CRYBG3: variants seen among roughly 807,000 people sequenced by gnomAD.
The protein encoded by CRYBG3 is very large A-kinase anchor protein.
Under a neutral mutation model 244.2 loss-of-function variants are expected in CRYBG3, and 127 were observed. The observed-to-expected ratio is 0.52, with a 90% CI of 0.45 to 0.60. The LOEUF (loss-of-function observed/expected upper bound fraction) is 0.60, where lower values mean the gene tolerates loss of function less well. CRYBG3 is among the 20% of genes least tolerant of loss of function. The pLI, the probability that CRYBG3 is intolerant of heterozygous loss-of-function variation, is 0.00. For synonymous variants in CRYBG3, 1,132 were observed against 1,195.8 expected, an observed-to-expected ratio of 0.95 and a Z score of 1.10; for missense variants, 3,325 against 3,442.5, an observed-to-expected ratio of 0.97 and a Z score of 0.85.
chr3:97,911,771 G>C (rs2039875483), intron 15 of CRYBG3, among the ~76,000 whole-genome samples: 1 of 152,168 alleles, frequency 6.6e-6, no homozygotes, highest in Non-Finnish European at 1.5e-5. Context: ...GCCTCTTTCA[G>C]GTTTAGCACT....
chr3:97,877,325 G>C lies in CRYBG3; in HGVS notation c.6131G>C (p.Ser2044Thr), dbSNP rs975658287. ...GTTCTGGCATGTGAAAGGTCTGAGAGTAGAACTGACCTTGTCCATCACTTT... is the reference window on the plus strand; with the variant it reads ...GTTCTGGCATGTGAAAGGTCTGAGACTAGAACTGACCTTGTCCATCACTTT... ...MPVLACERSE[S>T]RTDLVHHFEK... is the part of the protein sequence containing the mutation. Residue 2044 changes from serine (S) to threonine (T), a missense_variant, in exon 4 of 22, where the codon AGT becomes ACT. By Grantham distance (58) the Ser-to-Thr change is moderately conservative. Coordinates refer to ENST00000389622, the MANE Select transcript of CRYBG3 (RefSeq NM_153605.4). 6.8e-6 allele frequency: 11 copies of C among 1,613,790 alleles called. No individual in the cohort carries two copies. In the African/African-American group the frequency reaches 1.3e-4, roughly 20 times the overall value.
At chr3:97,931,292 T>A (rs2107095850) in intron 17 of CRYBG3, among the ~76,000 whole-genome samples, 1 of 152,230 alleles carries the variant, frequency 6.6e-6, no homozygotes, top group East Asian at 1.9e-4. Flanking sequence ...ACCCTCTCCC[T>A]CGACATGGAA....
chr3:97,846,404 C>A (rs1242514256), intron 2 of CRYBG3, among the ~76,000 whole-genome samples: 1 of 152,164 alleles, frequency 6.6e-6, no homozygotes, highest in Non-Finnish European at 1.5e-5. Flanking sequence ...CATCTTTTGG[C>A]TCCTGTGTCT....
At chr3:97,879,890 G>T (rs2039424679) in intron 5 of CRYBG3, 95 bp from the exon 6 acceptor site, 1 of 915,418 alleles carries the variant, frequency 1.1e-6, no homozygotes, top group Non-Finnish European at 1.7e-6. Context: ...GTATATTTAG[G>T]ATATTTATTT....
At chr3:97,917,948 C>G (rs147680460) in intron 17 of CRYBG3, among the ~76,000 whole-genome samples, 7 of 152,228 alleles carry the variant, frequency 4.6e-5, no homozygotes, top group Non-Finnish European at 7.4e-5. Context: ...CATTCTGATT[C>G]TTTCTGTGAT....
chr3:97,921,586 A>G (rs1314171862), intron 17 of CRYBG3, among the ~76,000 whole-genome samples: 2 of 152,198 alleles, frequency 1.3e-5, no homozygotes, highest in African/African-American at 4.8e-5. Context: ...TTACAATATT[A>G]TAATAATAGC....
At chr3:97,904,885 A>AC (rs2039750405) in intron 15 of CRYBG3, among the ~76,000 whole-genome samples, 1 of 43,894 alleles carries the variant, frequency 2.3e-5, no homozygotes, top group African/African-American at 8.5e-5. Context: ...CTATCCCTCC[A>AC]CCCTCCCCCC....
At position 97,871,940 on chromosome 3, in the gene CRYBG3, C is replaced by G; in HGVS notation, c.746C>G (p.Ala249Gly). The G allele has an allele frequency of 6.5e-7, 1 of 1,535,666 alleles. No individual in the cohort carries two copies. The highest frequency in any genetic ancestry group is 8.7e-7 in the Non-Finnish European group (1 of 1,146,566). ...GKYLKQQTGL[A>G]TVNTLDRENE... ...TATTTAAAGCAACAGACAGGCTTGG[C>G]AACTGTGAATACCTTGGACAGAGAA... The change falls in exon 4 of 22, where the codon GCA (alanine) becomes GGA (glycine). Residue 249 changes from alanine (A) to glycine (G), a missense_variant. Ala to Gly is a moderately conservative substitution (Grantham distance 60). This residue lies in a region of CRYBG3 where 1,526 missense variants were observed against 1,443.2 expected (regional missense o/e 1.06). Coordinates refer to ENST00000389622, the MANE Select transcript of CRYBG3 (RefSeq NM_153605.4).
In CRYBG3 at chr3:97,892,904, G is replaced by A. The variant is rs1338081255; in HGVS notation, c.7485G>A (p.Glu2495=). The A allele has an allele frequency of 6.4e-7, 1 of 1,571,822 alleles. No homozygotes were observed. Among genetic ancestry groups the A allele is most frequent in the Non-Finnish European group, 8.7e-7 (1 of 1,149,418 alleles). ...EKPHFHGQAK[E]FSEHIDSVPN... is the part of the protein sequence containing the mutation. ...CTCACTTCCATGGACAGGCTAAAGA[G>A]TTTAGTGAACATATAGATTCTGTTC... Residue 2495 remains glutamate, a synonymous_variant, in exon 11 of 22, where the codon GAG becomes GAA. Coordinates refer to ENST00000389622, the MANE Select transcript of CRYBG3 (RefSeq NM_153605.4).
chr3:97,900,675 G>A (rs190751921), intron 15 of CRYBG3, among the ~76,000 whole-genome samples, 190 bp downstream of exon 15: 1 of 152,278 alleles, frequency 6.6e-6, no homozygotes, highest in African/African-American at 2.4e-5. Flanking sequence ...GACTGGGTTT[G>A]TCACACTTCC....
At chr3:97,835,959 G>A (rs1457437433) in intron 1 of CRYBG3, among the ~76,000 whole-genome samples, 1 of 152,108 alleles carries the variant, frequency 6.6e-6, no homozygotes, top group Non-Finnish European at 1.5e-5. Context: ...AGAACTTGGG[G>A]AGAATGGAAC....
At chr3:97,914,270 C>T (rs1025431562) in intron 16 of CRYBG3, among the ~76,000 whole-genome samples, 1 of 152,108 alleles carries the variant, frequency 6.6e-6, no homozygotes, top group Admixed American at 6.6e-5. Flanking sequence ...GAAATACACA[C>T]ACACACAGCA....
intron 21 of CRYBG3, 126 bp from the exon 22 acceptor site, chr3:97,943,100 A>G (rs2040267842): frequency 3.2e-6 from 2 of 616,312 alleles, no homozygotes; most frequent in Non-Finnish European, 2.9e-6. Flanking sequence ...TTCCCATTTC[A>G]GACTTCTTTG....
intron 6 of CRYBG3, 70 bp from the exon 7 acceptor site, chr3:97,881,002 G>A (rs1576541656): frequency 8.0e-6 from 10 of 1,254,350 alleles, no homozygotes; most frequent in Middle Eastern, 4.1e-4. Context: ...AGACAAAATG[G>A]TCTGTGACTT....
At chr3:97,855,542 G>A (rs1454436099) in intron 2 of CRYBG3, among the ~76,000 whole-genome samples, 1 of 152,074 alleles carries the variant, frequency 6.6e-6, no homozygotes, top group Admixed American at 6.6e-5. Context: ...CAGGTTTTCT[G>A]TTTCTTCTTG....
intron 17 of CRYBG3, among the ~76,000 whole-genome samples, chr3:97,916,207 A>G (rs1575963670): frequency 6.6e-6 from 1 of 152,150 alleles, no homozygotes; most frequent in Admixed American, 6.6e-5. Flanking sequence ...TATAAAAATA[A>G]CCTGACCACT....
rs1000534063 is a variant in CRYBG3, at chr3:97,882,371, C to T, written c.7152+1152C>T. On this transcript the variant is annotated intron_variant, in intron 7 of 21. Transcript: ENST00000389622. ...GTAGATTGCTACTACTTAGTATAGA[C>T]GTGTGTGCATGCATGTGTGTGTGTT... Among the ~76,000 whole-genome samples, 10 of 147,072 alleles carry T rather than the reference C, an allele frequency of 6.8e-5. No homozygotes were observed. In the East Asian group the frequency reaches 1.4e-3, roughly 21 times the overall value.
At position 97,944,675 on chromosome 3, in the gene CRYBG3, C is replaced by T. The variant is rs1466982645; in HGVS notation, c.*1361C>T. ...CCTTTTGTCCATAGGTGTTGCGTGCCTCTCATCTGTGGGGAAGTATTATTT... is the reference window on the plus strand; with the variant it reads ...CCTTTTGTCCATAGGTGTTGCGTGCTTCTCATCTGTGGGGAAGTATTATTT... On this transcript the variant is annotated 3_prime_UTR_variant, in exon 22 of 22. Coordinates refer to ENST00000389622, the MANE Select transcript of CRYBG3 (RefSeq NM_153605.4). The T allele has an allele frequency of 1.3e-5, 2 of 152,238 alleles. No homozygotes were observed. Among genetic ancestry groups the T allele is most frequent in the Admixed American group, 1.3e-4 (2 of 15,196 alleles). The allele number at this position is 152,238 out of a possible 1,614,324, so 9.4% of individuals were successfully genotyped here.
In CRYBG3 at chr3:97,886,616, A is replaced by AT. The variant is rs761046610; in HGVS notation, c.7153-4dup. 0.045 allele frequency: 44,135 copies of AT among 977,270 alleles called. No individual in the cohort carries two copies. Among genetic ancestry groups the AT allele is most frequent in the South Asian group, 0.06 (3,284 of 54,836 alleles). The allele number at this position is 977,270 out of a possible 1,614,324, so 60.5% of individuals were successfully genotyped here. Reference sequence around the variant, plus strand: ...CTCTAGTTGATTTCAAAGCCAAATTATTTTTTTTTTTCAGGACTGCAGCAT... The same window carrying AT: ...CTCTAGTTGATTTCAAAGCCAAATTATTTTTTTTTTTTCAGGACTGCAGCAT... On this transcript the variant is annotated splice_polypyrimidine_tract_variant and intron_variant, in intron 7 of 21. Coordinates refer to ENST00000389622, the MANE Select transcript of CRYBG3 (RefSeq NM_153605.4).
Sources: gnomAD v4.1 joint callset for allele counts (sites outside exome capture counted in the v4.1 genomes callset) on GRCh38, gnomAD v4.1.1 for gene constraint, gnomAD v4.1.1 regional missense constraint, MANE v1.5 for transcripts, NCBI Gene and HGNC (gene_info 2026-07-23, HGNC 2026-07-21) for gene names.